PDZRN3: variants seen among roughly 807,000 people sequenced by gnomAD.
The protein encoded by PDZRN3 is E3 ubiquitin-protein ligase PDZRN3.
A neutral mutation model predicts 85.7 loss-of-function variants in PDZRN3; 38 were observed. The observed-to-expected ratio is 0.44, with a 90% CI of 0.34 to 0.58. PDZRN3 has a LOEUF of 0.58. Ranked by LOEUF, PDZRN3 falls within the 20% of genes least tolerant of loss-of-function variation. PDZRN3 has a pLI of 0.01. For synonymous variants in PDZRN3, 759 were observed against 638.0 expected (o/e 1.19, Z -2.86); for missense variants, 1,629 against 1,506.4 (o/e 1.08, Z -1.35).
intron 8 of PDZRN3, 26 bp downstream of exon 8, chr3:73,387,942 G>A (rs1277586987): frequency 9.0e-7 from 1 of 1,108,978 alleles, no homozygotes; most frequent in African/African-American, 1.6e-5. Flanking sequence ...TATAGACCCA[G>A]TTTCATCTGT....
chr3:73,507,449 C>T (rs1022928249), intron 3 of PDZRN3, among the ~76,000 whole-genome samples: 11 of 152,202 alleles, frequency 7.2e-5, no homozygotes, highest in African/African-American at 1.7e-4. Context: ...GGATTACAGG[C>T]GTGAGCCACC....
chr3:73,579,828 CTG>C (rs893894162), intron 3 of PDZRN3, among the ~76,000 whole-genome samples: 1 of 151,114 alleles, frequency 6.6e-6, no homozygotes, highest in Non-Finnish European at 1.5e-5. Context: ...TGGAGTGTCT[CTG>C]TGTGTGTGTG....
chr3:73,588,157 C>G (rs1231084350), intron 3 of PDZRN3, among the ~76,000 whole-genome samples: 2 of 152,104 alleles, frequency 1.3e-5, no homozygotes, highest in Non-Finnish European at 2.9e-5. Flanking sequence ...ATATTCAACT[C>G]CTACTCATGA....
chr3:73,555,116 GTGT>G (rs1288833846), intron 3 of PDZRN3, among the ~76,000 whole-genome samples: 2 of 152,130 alleles, frequency 1.3e-5, no homozygotes, highest in African/African-American at 2.4e-5. Flanking sequence ...TATAGCCAAT[GTGT>G]TGTTATTTTT....
chr3:73,518,530 A>AT (rs936082283), intron 3 of PDZRN3, among the ~76,000 whole-genome samples: 34 of 152,170 alleles, frequency 2.2e-4, no homozygotes, highest in Middle Eastern at 6.8e-3. Context: ...TACCACAATA[A>AT]TTTTTTTAAA....
At chr3:73,489,316 T>C (rs749390848) in intron 3 of PDZRN3, among the ~76,000 whole-genome samples, 6 of 152,232 alleles carry the variant, frequency 3.9e-5, no homozygotes, top group Non-Finnish European at 8.8e-5. Context: ...TCCTGCTTTT[T>C]CAAACAACGG....
chr3:73,412,691 G>T (rs951563246), intron 3 of PDZRN3, among the ~76,000 whole-genome samples: 1 of 152,184 alleles, frequency 6.6e-6, no homozygotes, highest in African/African-American at 2.4e-5. Context: ...TTTCTTCTCT[G>T]TAAAATGGGT....
intron 3 of PDZRN3, among the ~76,000 whole-genome samples, chr3:73,512,018 C>T (rs528845917): frequency 2.0e-5 from 3 of 152,344 alleles, no homozygotes; most frequent in South Asian, 2.1e-4. Flanking sequence ...GAAGTTAACG[C>T]GCTCCTTTGG....
At chr3:73,568,926 AT>A (rs1363474305) in intron 3 of PDZRN3, among the ~76,000 whole-genome samples, 1 of 152,156 alleles carries the variant, frequency 6.6e-6, no homozygotes, top group Non-Finnish European at 1.5e-5. Flanking sequence ...TTTAAGAGAG[AT>A]TTGCACTGTA....
chr3:73,538,313 T>G (rs188731991), intron 3 of PDZRN3, among the ~76,000 whole-genome samples: 251 of 152,356 alleles, frequency 1.6e-3, no homozygotes, highest in Admixed American at 2.6e-3. Context: ...TACATACACT[T>G]TAAGTACACT....
intron 3 of PDZRN3, among the ~76,000 whole-genome samples, chr3:73,475,755 T>G (rs1703436755): frequency 6.6e-6 from 1 of 152,204 alleles, no homozygotes; most frequent in African/African-American, 2.4e-5. Flanking sequence ...AGATGAGCCA[T>G]GCCCACAGTA....
chr3:73,450,079 G>T (rs1405254049), intron 3 of PDZRN3, among the ~76,000 whole-genome samples: 1 of 152,160 alleles, frequency 6.6e-6, no homozygotes, highest in Non-Finnish European at 1.5e-5. Context: ...ATTAATTAAA[G>T]ACCTCTGAAG....
chr3:73,416,915 A>T (rs1702102842), intron 3 of PDZRN3, among the ~76,000 whole-genome samples: 2 of 108,498 alleles, frequency 1.8e-5, no homozygotes, highest in African/African-American at 3.6e-5. Flanking sequence ...TTTTTGAGAC[A>T]GAGTCTCACT....
intron 3 of PDZRN3, among the ~76,000 whole-genome samples, chr3:73,485,320 TATTA>T (rs751455652): frequency 4.7e-5 from 7 of 149,142 alleles, no homozygotes; most frequent in Non-Finnish European, 1.0e-4. Flanking sequence ...TATTTTATAA[TATTA>T]ATATTTATAA....
At chr3:73,529,625 G>A (rs1704607299) in intron 3 of PDZRN3, among the ~76,000 whole-genome samples, 1 of 152,178 alleles carries the variant, frequency 6.6e-6, no homozygotes, top group South Asian at 2.1e-4. Flanking sequence ...TGGGAGGGTG[G>A]GACAAAGAAA....
At position 73,605,280 on chromosome 3, in the gene PDZRN3, T is replaced by C. The variant is rs527811583; in HGVS notation, c.811-2819A>G. Among the ~76,000 whole-genome samples, 9 of 152,264 alleles carry C rather than the reference T, an allele frequency of 5.9e-5. No individual in the cohort carries two copies. The East Asian group carries it at 1.7e-3, about 29-fold the overall frequency. ...TTCTTAGTTTGTTTGGCTCCTCTCC[T>C]AAGAGAGTTAGTTACAGCTATTTAT... On this transcript the variant is annotated intron_variant, in intron 2 of 9. Transcript: ENST00000263666.
chr3:73,547,017 G>A (rs1211369406), intron 3 of PDZRN3, among the ~76,000 whole-genome samples: 2 of 152,264 alleles, frequency 1.3e-5, no homozygotes, highest in South Asian at 4.1e-4. Flanking sequence ...CCTCTGAAAG[G>A]CACAGCACCA....
Position 73,404,334 on chromosome 3 carries a change from G to A in PDZRN3, c.980C>T (p.Ala327Val). 2 of 1,614,144 alleles carry A rather than the reference G, an allele frequency of 1.2e-6. No homozygotes were observed. The highest frequency in any genetic ancestry group is 1.7e-6 in the Non-Finnish European group (2 of 1,179,988). ...CACCTGCACCACTATGGGCTCCTTG[G>A]CTGTCTTGAAAGCTTCCACAGCCTG... ...HDQAVEAFKTAKEPIVVQVLR... is the reference protein window; with the variant it reads ...HDQAVEAFKTVKEPIVVQVLR... The change falls in exon 4 of 10, where the codon GCC becomes GTC. Residue 327 changes from alanine (A) to valine (V), a missense_variant. Transcript: ENST00000263666.
At chr3:73,446,718 C>A (rs897267772) in intron 3 of PDZRN3, among the ~76,000 whole-genome samples, 5 of 152,064 alleles carry the variant, frequency 3.3e-5, no homozygotes, top group Non-Finnish European at 7.4e-5. Flanking sequence ...CTGCTTCTGG[C>A]GATGTGAACC....
Sources: gnomAD v4.1 joint callset for allele counts (sites outside exome capture counted in the v4.1 genomes callset) on GRCh38, gnomAD v4.1.1 for gene constraint, MANE v1.5 for transcripts, NCBI Gene and HGNC (gene_info 2026-07-23, HGNC 2026-07-21) for gene names.